RRM2B: variants seen among roughly 807,000 people sequenced by gnomAD.
The protein encoded by RRM2B is ribonucleoside-diphosphate reductase subunit M2 B.
Under a neutral mutation model 45.9 loss-of-function variants are expected in RRM2B, and 20 were observed. The ratio of observed to expected loss-of-function variants is 0.44; its 90% CI spans 0.31 to 0.63. The LOEUF is 0.63. Among genes scored for constraint, RRM2B ranks in the 30% least tolerant of loss-of-function variants. The pLI is 0.09. For synonymous variants in RRM2B, 124 were observed against 132.3 expected (o/e 0.94, Z 0.43); for missense variants, 320 against 414.7 (o/e 0.77, Z 1.98).
intron 4 of RRM2B, among the ~76,000 whole-genome samples, chr8:102,224,527 T>A (rs996054047): frequency 1.3e-5 from 2 of 152,224 alleles, no homozygotes; most frequent in Non-Finnish European, 2.9e-5. Flanking sequence ...TAATTGTAAC[T>A]CTACGGTATG....
intron 1 of RRM2B, among the ~76,000 whole-genome samples, chr8:102,237,844 T>A (rs1363308985): frequency 5.3e-5 from 8 of 152,150 alleles, no homozygotes; most frequent in African/African-American, 1.4e-4. Flanking sequence ...TTAAATAAAA[T>A]AAAATCTCAA....
intron 6 of RRM2B, 38 bp downstream of exon 6, chr8:102,218,776 G>T: frequency 2.4e-4 from 294 of 1,214,810 alleles, no homozygotes; most frequent in Non-Finnish European, 3.2e-4. Context: ...CATCAAATAT[G>T]AATACAAATA....
intron 2 of RRM2B, among the ~76,000 whole-genome samples, chr8:102,226,763 G>C (rs554271991): frequency 6.6e-6 from 1 of 152,306 alleles, no homozygotes; most frequent in South Asian, 2.1e-4. Flanking sequence ...CGCCAGGCTA[G>C]AGTGCAGTGG....
At chr8:102,229,961 G>A (rs1420414991) in intron 2 of RRM2B, among the ~76,000 whole-genome samples, 2 of 151,966 alleles carry the variant, frequency 1.3e-5, no homozygotes, top group Admixed American at 6.6e-5. Context: ...TTATTTCTTT[G>A]AACACTCAGT....
At chr8:102,224,803 T>C in intron 4 of RRM2B, 82 bp downstream of exon 4, 3 of 1,323,296 alleles carry the variant, frequency 2.3e-6, no homozygotes, top group Non-Finnish European at 3.2e-6. Flanking sequence ...AATCTTTCCT[T>C]AACATTGAGT....
At chr8:102,231,999 G>C in intron 2 of RRM2B, 150 bp downstream of exon 2, 1 of 748,592 alleles carries the variant, frequency 1.3e-6, no homozygotes, top group Non-Finnish European at 2.3e-6. Flanking sequence ...AAAACATTGA[G>C]AACATCATAT....
intron 5 of RRM2B, among the ~76,000 whole-genome samples, chr8:102,222,792 G>C (rs1269248127): frequency 2.0e-5 from 3 of 152,142 alleles, no homozygotes; most frequent in Non-Finnish European, 4.4e-5. Context: ...ACATTTAAAA[G>C]AGTTACAGAA....
chr8:102,222,967 T>C (rs1021629776), intron 5 of RRM2B, among the ~76,000 whole-genome samples: 3 of 152,174 alleles, frequency 2.0e-5, no homozygotes, highest in Non-Finnish European at 2.9e-5. Context: ...ACAATACCCA[T>C]AACCTACCCA....
chr8:102,229,828 G>C (rs1810998239), intron 2 of RRM2B, among the ~76,000 whole-genome samples: 1 of 152,090 alleles, frequency 6.6e-6, no homozygotes, highest in African/African-American at 2.4e-5. Context: ...CAAGTGATCT[G>C]CCCACTTTAG....
At chr8:102,219,318 G>A (rs538853350) in intron 5 of RRM2B, among the ~76,000 whole-genome samples, 247 of 152,302 alleles carry the variant, frequency 1.6e-3, no homozygotes, top group African/African-American at 5.7e-3. Flanking sequence ...GAGAGTAGAA[G>A]GTAGACTTTA....
chr8:102,216,393 A>G lies in RRM2B; in HGVS notation c.685-2235T>C, dbSNP rs142152996. On this transcript the variant is annotated intron_variant, in intron 6 of 8. Coordinates refer to ENST00000251810, the MANE Select transcript of RRM2B (RefSeq NM_015713.5). ...TCTGGAAGTGGATTACATAAAATTT[A>G]AGGTTTTGTATGTTAAAAGAACAAA... is the stretch of plus-strand genomic sequence containing the variant. Among the ~76,000 whole-genome samples, 101 of 152,298 alleles carry G rather than the reference A, an allele frequency of 6.6e-4. 1 individual carries two copies. In the Middle Eastern group the frequency reaches 0.024, roughly 36 times the overall value.
chr8:102,233,058 A>G (rs1174723676), intron 1 of RRM2B, among the ~76,000 whole-genome samples: 1 of 152,270 alleles, frequency 6.6e-6, no homozygotes, highest in Non-Finnish European at 1.5e-5. Flanking sequence ...GAATCAGAAG[A>G]GTCGCACATG....
At chr8:102,227,648 A>G (rs773216386) in intron 2 of RRM2B, among the ~76,000 whole-genome samples, 34 of 152,300 alleles carry the variant, frequency 2.2e-4, no homozygotes, top group East Asian at 5.8e-4. Context: ...TCTGGGGGCT[A>G]TAACAAATTA....
At chr8:102,225,060 T>G (rs1364771221) in intron 3 of RRM2B, 42 bp from the exon 4 acceptor site, 14 of 1,608,850 alleles carry the variant, frequency 8.7e-6, no homozygotes, top group Non-Finnish European at 1.2e-5. Flanking sequence ...TTCTATAGGC[T>G]CTCATTAAAC....
chr8:102,227,354 G>C (rs1003959550), intron 2 of RRM2B, among the ~76,000 whole-genome samples: 2 of 152,010 alleles, frequency 1.3e-5, no homozygotes, highest in Non-Finnish European at 2.9e-5. Flanking sequence ...CTGGAGTGCG[G>C]TGGCACAATC....
chr8:102,238,802 G>T, intron 1 of RRM2B, 25 bp downstream of exon 1: 7 of 1,613,798 alleles, frequency 4.3e-6, no homozygotes, highest in Non-Finnish European at 5.1e-6. Flanking sequence ...TGCGGTGAGG[G>T]GGAAGACGCA....
intron 5 of RRM2B, among the ~76,000 whole-genome samples, chr8:102,222,783 C>T (rs1426955654): frequency 6.6e-6 from 1 of 152,114 alleles, no homozygotes; most frequent in Non-Finnish European, 1.5e-5. Flanking sequence ...TTAAGTCAGA[C>T]ATTTAAAAGA....
intron 1 of RRM2B, among the ~76,000 whole-genome samples, chr8:102,237,340 T>G (rs1022246500): frequency 6.6e-6 from 1 of 152,234 alleles, no homozygotes; most frequent in South Asian, 2.1e-4. Flanking sequence ...ATGGACCCTT[T>G]AAGACAGTGG....
intron 6 of RRM2B, among the ~76,000 whole-genome samples, chr8:102,216,928 GA>G (rs35490252): frequency 6.6e-6 from 1 of 151,508 alleles, no homozygotes; most frequent in African/African-American, 2.4e-5. Context: ...AAAATTACTG[GA>G]AAAAAAATCT....
Sources: allele counts gnomAD v4.1 joint callset (sites outside exome capture counted in the v4.1 genomes callset), GRCh38; gene constraint gnomAD v4.1.1; transcripts MANE v1.5; gene names NCBI Gene and HGNC (gene_info 2026-07-23, HGNC 2026-07-21).